CD101: variants seen among roughly 807,000 people sequenced by gnomAD.
CD101 encodes immunoglobulin superfamily member 2.
CD101 carries 76 observed loss-of-function variants against 98.2 expected under a neutral mutation model. The observed-to-expected ratio is 0.77, with a 90% CI of 0.64 to 0.94. CD101 has a LOEUF of 0.94. Among genes scored for constraint, CD101 ranks in the 40% least tolerant of loss-of-function variants. The probability of loss-of-function intolerance (pLI) is 0.00; values close to 1 mark genes in which losing one functional copy is unlikely to be tolerated. For missense variants in CD101, 1,145 were observed against 1,218.8 expected, an observed-to-expected ratio of 0.94 and a Z score of 0.90; for synonymous variants, 471 against 472.7, an observed-to-expected ratio of 1.00 and a Z score of 0.05.
At position 117,010,022 on chromosome 1, in the gene CD101, C is replaced by A; in HGVS notation, c.216C>A (p.Ile72=). Residue 72 remains isoleucine (I), a synonymous_variant, in exon 2 of 10, where the codon ATC becomes ATA. Coordinates refer to ENST00000682167, the MANE Select transcript of CD101 (RefSeq NM_001256106.3). This position sits in a 1 kb window ranked among gnomAD's most constrained non-coding sequence, Gnocchi z 5.2. ...CAAACCCGACCCAGGAAGTCCAGATCATTAGCACCAAGGATGCTGCCTTCT... is the reference window on the plus strand; with the variant it reads ...CAAACCCGACCCAGGAAGTCCAGATAATTAGCACCAAGGATGCTGCCTTCT... ...LPTNPTQEVQ[I]ISTKDAAFSY... 1 of 1,614,244 alleles carries A rather than the reference C, an allele frequency of 6.2e-7. No homozygotes were observed. The highest frequency in any genetic ancestry group is 8.5e-7 in the Non-Finnish European group (1 of 1,180,036).
intron 7 of CD101, 97 bp from the exon 8 acceptor site, chr1:117,025,412 G>C: frequency 9.6e-7 from 1 of 1,041,490 alleles, no homozygotes. Flanking sequence ...GATGTCTAAA[G>C]AATATAAGAT....
chr1:117,020,503 C>T (rs1027092426), intron 6 of CD101, among the ~76,000 whole-genome samples: 1 of 152,200 alleles, frequency 6.6e-6, no homozygotes, highest in Non-Finnish European at 1.5e-5. Flanking sequence ...AAGATCATGC[C>T]ACTGCACTCC....
At chr1:117,035,512 G>T (rs1654755679) in intron 9 of CD101, among the ~76,000 whole-genome samples, 1 of 151,572 alleles carries the variant, frequency 6.6e-6, no homozygotes, top group African/African-American at 2.4e-5. Context: ...CCAGGTAAGG[G>T]AGCATATTTT....
chr1:117,007,019 A>G (rs1652575299), intron 1 of CD101, among the ~76,000 whole-genome samples: 2 of 152,208 alleles, frequency 1.3e-5, no homozygotes, highest in South Asian at 4.1e-4. Flanking sequence ...TTGCCTAGCC[A>G]CCAAAAATAA....
At chr1:117,026,078 T>C in intron 8 of CD101, 174 bp downstream of exon 8, 1 of 630,500 alleles carries the variant, frequency 1.6e-6, no homozygotes, top group Non-Finnish European at 2.6e-6. Flanking sequence ...AGTAACTCAT[T>C]TGAACAAACA....
chr1:117,023,405 A>G lies in CD101; in HGVS notation c.2428+1422A>G, dbSNP rs1653698077. ...CATCTCCCAGTTTGAGAATGTCCAC[A>G]ACTAATTCACTTCTTCTTTTTCTTT... is the stretch of plus-strand genomic sequence containing the variant. On this transcript the variant is annotated intron_variant, in intron 7 of 9. Transcript: ENST00000682167. This position sits in a 1 kb window ranked among gnomAD's most constrained non-coding sequence, Gnocchi z 4.4. 6.6e-6 allele frequency among the ~76,000 whole-genome samples: 1 copy of G among 152,028 alleles called. No individual in the cohort carries two copies. The highest frequency in any genetic ancestry group is 2.4e-5 in the African/African-American group (1 of 41,400).
intron 8 of CD101, among the ~76,000 whole-genome samples, chr1:117,027,207 A>G (rs1286482839): frequency 6.6e-6 from 1 of 152,210 alleles, no homozygotes; most frequent in Non-Finnish European, 1.5e-5. Context: ...ACATACATAT[A>G]CACACAGGTA....
chr1:117,013,283 AAT>A, intron 3 of CD101, 121 bp from the exon 4 acceptor site: 1 of 1,214,456 alleles, frequency 8.2e-7, no homozygotes, highest in Non-Finnish European at 1.1e-6. Flanking sequence ...ACCGCTATAG[AAT>A]TGAACTCCCA....
At chr1:117,016,601 G>A (rs1404718344) in intron 4 of CD101, among the ~76,000 whole-genome samples, 1 of 152,236 alleles carries the variant, frequency 6.6e-6, no homozygotes, top group African/African-American at 2.4e-5. Context: ...GCTCATGCCT[G>A]TAATCCCAGC....
In CD101 at chr1:117,010,360, TG is replaced by T; in HGVS notation, c.424+132del. 1.1e-6 allele frequency: 1 copy of T among 906,056 alleles called. No homozygotes were observed. The highest frequency in any genetic ancestry group is 1.6e-6 in the Non-Finnish European group (1 of 608,120). The allele number at this position is 906,056 out of a possible 1,614,324, so 56.1% of individuals were successfully genotyped here. A position where few individuals can be genotyped will look rare whatever the true frequency, so the allele number is the denominator to read the frequency against. On this transcript the variant is annotated intron_variant, in intron 2 of 9. Coordinates refer to ENST00000682167, the MANE Select transcript of CD101 (RefSeq NM_001256106.3). The surrounding 1 kb of genome is among the most constrained non-coding windows in gnomAD (Gnocchi z 5.2). ...TGGGAAAAGAGCCCATGTACCCCTG[TG>T]GATATTTTGGAGATATGTCACAAGT... is the stretch of plus-strand genomic sequence containing the variant.
In CD101 at chr1:117,033,349, A is replaced by G. The variant is rs982365583; in HGVS notation, c.2825-511A>G. 1.3e-5 allele frequency among the ~76,000 whole-genome samples: 2 copies of G among 151,974 alleles called. No individual in the cohort carries two copies. Among genetic ancestry groups the G allele is most frequent in the Non-Finnish European group, 2.9e-5 (2 of 67,978 alleles). Reference sequence around the variant, plus strand: ...GGGCCAGGCTTGGGTCAGCGGGGGTAGGGGCTTCTTATTGTGGGTGTGATT... The same window carrying G: ...GGGCCAGGCTTGGGTCAGCGGGGGTGGGGGCTTCTTATTGTGGGTGTGATT... On this transcript the variant is annotated intron_variant, in intron 8 of 9. Coordinates refer to ENST00000682167, the MANE Select transcript of CD101 (RefSeq NM_001256106.3). The surrounding 1 kb of genome is among the most constrained non-coding windows in gnomAD (Gnocchi z 4.8).
chr1:117,034,765 A>G (rs1387294127), intron 9 of CD101, among the ~76,000 whole-genome samples: 1 of 152,204 alleles, frequency 6.6e-6, no homozygotes, highest in African/African-American at 2.4e-5. Flanking sequence ...TTGTTTGATA[A>G]GACTTTTTAT....
At chr1:117,032,766 G>A (rs182827464) in intron 8 of CD101, among the ~76,000 whole-genome samples, 28 of 152,192 alleles carry the variant, frequency 1.8e-4, no homozygotes, top group South Asian at 4.1e-4. Flanking sequence ...TCAATAGACT[G>A]TTTCCTGAAA....
intron 7 of CD101, 88 bp from the exon 8 acceptor site, chr1:117,025,421 A>G (rs1653844847): frequency 1.1e-5 from 12 of 1,130,130 alleles, no homozygotes; most frequent in South Asian, 1.6e-5. Flanking sequence ...AGAATATAAG[A>G]TCTTCCCAGT....
In CD101 at chr1:117,005,569, T is replaced by TC. The variant is rs1444385677; in HGVS notation, c.43+3711dup. On this transcript the variant is annotated intron_variant, in intron 1 of 9. Transcript: ENST00000682167. The surrounding 1 kb of genome is among the most constrained non-coding windows in gnomAD (Gnocchi z 4.4). ...TCCAGCCGCTGTGTCCTAGTTGCCC[T>TC]CCATCTAACTCTTCCCTCTGTAAGT... Among the ~76,000 whole-genome samples the TC allele has an allele frequency of 1.3e-5, 2 of 152,170 alleles. No homozygotes were observed. Among genetic ancestry groups the TC allele is most frequent in the African/African-American group, 2.4e-5 (1 of 41,434 alleles).
Position 117,012,625 on chromosome 1 carries a change from C to A in CD101, c.841+659C>A, listed in dbSNP as rs1456832217. Among the ~76,000 whole-genome samples the A allele has an allele frequency of 1.3e-5, 2 of 152,128 alleles. No individual in the cohort carries two copies. Among genetic ancestry groups the A allele is most frequent in the African/African-American group, 4.8e-5 (2 of 41,412 alleles). ...ATCTTGCTATGTTCCCCAGGCTGGCCTTGAACTCCGGGGCTCAAGCAATCC... is the reference window on the plus strand; with the variant it reads ...ATCTTGCTATGTTCCCCAGGCTGGCATTGAACTCCGGGGCTCAAGCAATCC... On this transcript the variant is annotated intron_variant, in intron 3 of 9. Transcript: ENST00000682167. This position sits in a 1 kb window ranked among gnomAD's most constrained non-coding sequence, Gnocchi z 4.0.
At position 117,008,878 on chromosome 1, in the gene CD101, A is replaced by G. The variant is rs188625574; in HGVS notation, c.44-972A>G. Among the ~76,000 whole-genome samples, 5 of 152,208 alleles carry G rather than the reference A, an allele frequency of 3.3e-5. No homozygotes were observed. In the East Asian group the frequency reaches 9.6e-4, roughly 29 times the overall value. ...TGTCTGGCCCTTCTGGTGTCTTCCA[A>G]CCCTGTCTTCCCTTTTACAGTACCC... On this transcript the variant is annotated intron_variant, in intron 1 of 9. Coordinates refer to ENST00000682167, the MANE Select transcript of CD101 (RefSeq NM_001256106.3).
At position 117,010,755 on chromosome 1, in the gene CD101, A is replaced by G. The variant is rs1326747925; in HGVS notation, c.424+525A>G. Among the ~76,000 whole-genome samples the G allele has an allele frequency of 6.6e-6, 1 of 152,142 alleles. No homozygotes were observed. The highest frequency in any genetic ancestry group is 1.5e-5 in the Non-Finnish European group (1 of 68,026). On this transcript the variant is annotated intron_variant, in intron 2 of 9. Transcript: ENST00000682167. The surrounding 1 kb of genome is among the most constrained non-coding windows in gnomAD (Gnocchi z 5.2). Reference sequence around the variant, plus strand: ...TTCAGCTTAACAAACTCCTACATATACTTCAGGACCCAGTTTAGATATTAC... The same window carrying G: ...TTCAGCTTAACAAACTCCTACATATGCTTCAGGACCCAGTTTAGATATTAC...
Position 117,012,435 on chromosome 1 carries a change from A to C in CD101, c.841+469A>C, listed in dbSNP as rs183726045. On this transcript the variant is annotated intron_variant, in intron 3 of 9. Transcript: ENST00000682167. This position sits in a 1 kb window ranked among gnomAD's most constrained non-coding sequence, Gnocchi z 4.0. Reference sequence around the variant, plus strand: ...GGAGGCCTGTCTCTCTCCAAAGCCCACTCAGCACAGACAGCTGGGCCTCAA... The same window carrying C: ...GGAGGCCTGTCTCTCTCCAAAGCCCCCTCAGCACAGACAGCTGGGCCTCAA... Among the ~76,000 whole-genome samples the C allele has an allele frequency of 6.6e-6, 1 of 152,200 alleles. No homozygotes were observed.
Sources: gnomAD v4.1 joint callset for allele counts (sites outside exome capture counted in the v4.1 genomes callset) on GRCh38, gnomAD v4.1.1 for gene constraint, Gnocchi (gnomAD v3.1) non-coding constraint, MANE v1.5 for transcripts, NCBI Gene and HGNC (gene_info 2026-07-23, HGNC 2026-07-21) for gene names.